The following LTBP1 variants were observed in gnomAD, a reference collection of about 807,000 sequenced individuals.
LTBP1 encodes latent transforming growth factor beta binding protein 1.
A neutral mutation model predicts 207.6 loss-of-function variants in LTBP1; 129 were observed. The observed-to-expected ratio is 0.62, with a 90% CI of 0.54 to 0.72. The LOEUF (loss-of-function observed/expected upper bound fraction) is 0.72, where lower values mean the gene tolerates loss of function less well. Ranked by LOEUF, LTBP1 falls within the 30% of genes least tolerant of loss-of-function variation. The pLI is 0.00. For missense variants in LTBP1, 2,281 were observed against 2,217.2 expected, an observed-to-expected ratio of 1.03 and a Z score of -0.58; for synonymous variants, 963 against 833.7, an observed-to-expected ratio of 1.16 and a Z score of -2.67.
intron 3 of LTBP1, among the ~76,000 whole-genome samples, chr2:33,031,687 A>G (rs1313556998): frequency 6.6e-6 from 1 of 152,172 alleles, no homozygotes; most frequent in Non-Finnish European, 1.5e-5. Flanking sequence ...TAACAGGTGG[A>G]CGATAGGGTG....
chr2:33,250,597 A>G (rs970798146), intron 10 of LTBP1, among the ~76,000 whole-genome samples: 1 of 152,094 alleles, frequency 6.6e-6, no homozygotes, highest in Admixed American at 6.5e-5. Flanking sequence ...CCACATTCCC[A>G]TGTGAATTCC....
At chr2:33,397,841 G>C (rs1250857500) in intron 33 of LTBP1, among the ~76,000 whole-genome samples, 31 of 152,034 alleles carry the variant, frequency 2.0e-4, no homozygotes, top group Non-Finnish European at 1.5e-4. Context: ...TCTTGAAGCA[G>C]TCCTTTTGCC....
chr2:33,256,778 A>G (rs1264809016), intron 11 of LTBP1, among the ~76,000 whole-genome samples: 4 of 81,680 alleles, frequency 4.9e-5, no homozygotes, highest in African/African-American at 1.1e-4. Flanking sequence ...ATATATATAT[A>G]GTTACCCTCT....
At chr2:33,075,452 C>T (rs777253257) in intron 3 of LTBP1, among the ~76,000 whole-genome samples, 1 of 152,130 alleles carries the variant, frequency 6.6e-6, no homozygotes, top group Non-Finnish European at 1.5e-5. Context: ...AAAGTTACTC[C>T]TATTGTAATT....
chr2:33,131,751 C>G (rs889897722), intron 4 of LTBP1, among the ~76,000 whole-genome samples: 2 of 152,126 alleles, frequency 1.3e-5, no homozygotes, highest in Non-Finnish European at 1.5e-5. Context: ...CTTCTGCTTC[C>G]AAGAAGATGT....
chr2:33,306,291 C>T (rs189348028), intron 22 of LTBP1, among the ~76,000 whole-genome samples: 3 of 152,084 alleles, frequency 2.0e-5, no homozygotes, highest in African/African-American at 4.8e-5. Context: ...TGAACAGAGC[C>T]GGGCATGGTG....
At position 33,243,776 on chromosome 2, in the gene LTBP1, G is replaced by A. The variant is rs1558874517; in HGVS notation, c.1991G>A (p.Ser664Asn). 6.2e-7 allele frequency: 1 copy of A among 1,613,932 alleles called. No individual in the cohort carries two copies. The highest frequency in any genetic ancestry group is 2.2e-5 in the East Asian group (1 of 44,856). ...IGFGPDPTFS[S>N]CVPDPPVISE... is the part of the protein sequence containing the mutation. Reference sequence around the variant, plus strand: ...TTTGGGCCGGATCCTACCTTTTCAAGTTGTGTTCGTAAGTAATAATCACTT... The same window carrying A: ...TTTGGGCCGGATCCTACCTTTTCAAATTGTGTTCGTAAGTAATAATCACTT... The change falls in exon 10 of 34, where the codon AGT (serine) becomes AAT (asparagine). Residue 664 changes from serine to asparagine, a missense_variant. By Grantham distance (46) the Ser-to-Asn change is conservative. Around this residue, in one of 3 missense-constraint regions of LTBP1, gnomAD observed 1,671 missense variants for 1,634.8 expected, o/e 1.02. Coordinates refer to ENST00000404816, the MANE Select transcript of LTBP1 (RefSeq NM_206943.4).
chr2:33,131,647 T>G (rs1012270994), intron 4 of LTBP1, among the ~76,000 whole-genome samples: 8 of 152,218 alleles, frequency 5.3e-5, no homozygotes, highest in Admixed American at 5.2e-4. Context: ...AGGACCCGCT[T>G]AGAATACAAG....
At chr2:33,029,738 A>G (rs561949848) in intron 3 of LTBP1, among the ~76,000 whole-genome samples, 44 of 152,354 alleles carry the variant, frequency 2.9e-4, no homozygotes, top group Admixed American at 8.5e-4. Flanking sequence ...TCCGCTTAAC[A>G]AAATAGTGGA....
At chr2:33,285,763 T>C (rs573369701) in intron 19 of LTBP1, 1 of 152,208 alleles carries the variant, frequency 6.6e-6, no homozygotes, top group African/African-American at 2.4e-5. Context: ...AGCATTCTTT[T>C]ATGAATGTAA....
At chr2:33,324,470 G>A (rs574551014) in intron 24 of LTBP1, among the ~76,000 whole-genome samples, 6 of 151,944 alleles carry the variant, frequency 3.9e-5, no homozygotes, top group Non-Finnish European at 7.4e-5. Context: ...AGGCACCCAC[G>A]GGGGATTTTG....
intron 4 of LTBP1, among the ~76,000 whole-genome samples, chr2:33,117,238 G>C (rs1263237812): frequency 6.6e-6 from 1 of 152,178 alleles, no homozygotes; most frequent in African/African-American, 2.4e-5. Context: ...GGCTGCTTTG[G>C]ACACACGAGG....
intron 5 of LTBP1, among the ~76,000 whole-genome samples, chr2:33,144,966 G>A (rs142181295): frequency 6.6e-6 from 1 of 152,208 alleles, no homozygotes; most frequent in Admixed American, 6.5e-5. Context: ...AGCAGTCCAG[G>A]AAAATAAAAT....
chr2:33,177,576 G>A (rs1437130785), intron 5 of LTBP1, among the ~76,000 whole-genome samples: 1 of 152,160 alleles, frequency 6.6e-6, no homozygotes, highest in Non-Finnish European at 1.5e-5. Context: ...GCTGAGGCAG[G>A]AGAATGGCTT....
rs2094718908 is a variant in LTBP1, at chr2:33,347,417, G to A, written c.3907G>A (p.Glu1303Lys). The change falls in exon 26 of 34, where the codon GAA (glutamate) becomes AAA (lysine). Residue 1303 changes from glutamate to lysine, a missense_variant. Transcript: ENST00000404816. Reference protein sequence around the residue: ...LSGVCGEAFCENVEGSFLCVC... With the variant: ...LSGVCGEAFCKNVEGSFLCVC... ...TGGGGTGTGTGGTGAAGCCTTCTGT[G>A]AAAACGTGGAAGGGTCCTTCCTGTG... The A allele has an allele frequency of 2.5e-6, 4 of 1,614,196 alleles. No individual in the cohort carries two copies. The highest frequency in any genetic ancestry group is 4.5e-5 in the East Asian group (2 of 44,872).
In LTBP1 at chr2:33,398,597, A is replaced by G. The variant is rs766317184; in HGVS notation, c.*52A>G. The G allele has an allele frequency of 3.1e-5, 46 of 1,503,914 alleles. No individual in the cohort carries two copies. The highest frequency in any genetic ancestry group is 4.0e-5 in the Non-Finnish European group (44 of 1,112,832). 93.2% of individuals were successfully genotyped at this position (1,503,914 alleles called of 1,614,324 possible). A position where few individuals can be genotyped will look rare whatever the true frequency, so the allele number is the denominator to read the frequency against. On this transcript the variant is annotated 3_prime_UTR_variant, in exon 34 of 34. Transcript: ENST00000404816. ...TATACTCTGCACTGTGTAAAGGAAA[A>G]GGGAGAAATGTATTATACTTGAGAC...
intron 3 of LTBP1, among the ~76,000 whole-genome samples, chr2:33,099,388 C>A (rs975848415): frequency 6.6e-6 from 1 of 152,102 alleles, no homozygotes; most frequent in African/African-American, 2.4e-5. Flanking sequence ...GAAAATAAAA[C>A]CCTGAGAGAT....
chr2:33,032,690 G>T (rs1016128087), intron 3 of LTBP1, among the ~76,000 whole-genome samples: 1 of 152,116 alleles, frequency 6.6e-6, no homozygotes, highest in African/African-American at 2.4e-5. Context: ...CACAAAAATT[G>T]CATATGTATT....
intron 31 of LTBP1, among the ~76,000 whole-genome samples, chr2:33,384,213 A>G (rs1252107283): frequency 6.6e-6 from 1 of 152,130 alleles, no homozygotes; most frequent in Non-Finnish European, 1.5e-5. Flanking sequence ...TCTTTTTTCA[A>G]TTTAAGATGA....
Sources: allele counts gnomAD v4.1 joint callset (sites outside exome capture counted in the v4.1 genomes callset), GRCh38; gene constraint gnomAD v4.1.1; regional missense constraint gnomAD v4.1.1; transcripts MANE v1.5; gene names NCBI Gene and HGNC (gene_info 2026-07-23, HGNC 2026-07-21).